Variants in CTNNA2 observed in about 807,000 individuals in gnomAD.
CTNNA2 encodes catenin alpha-2.
CTNNA2 carries 42 observed loss-of-function variants against 101.0 expected under a neutral mutation model. The observed-to-expected ratio is 0.42, with a 90% CI of 0.32 to 0.54. The LOEUF is 0.54. CTNNA2 is among the 20% of genes least tolerant of loss of function. The probability of loss-of-function intolerance (pLI) is 0.14; values close to 1 mark genes in which losing one functional copy is unlikely to be tolerated. For missense variants in CTNNA2, 871 were observed against 1,223.1 expected, an observed-to-expected ratio of 0.71 and a Z score of 4.29; for synonymous variants, 450 against 456.4, an observed-to-expected ratio of 0.99 and a Z score of 0.18.
chr2:79,675,746 C>T (rs761598917), intron 2 of CTNNA2, among the ~76,000 whole-genome samples: 4 of 152,136 alleles, frequency 2.6e-5, no homozygotes, highest in Non-Finnish European at 5.9e-5. Context: ...TAGAACAGTG[C>T]TCGGCATGTA....
At chr2:79,244,497 T>C (rs1674673543) in intron 2 of CTNNA2, among the ~76,000 whole-genome samples, 1 of 152,184 alleles carries the variant, frequency 6.6e-6, no homozygotes, top group Non-Finnish European at 1.5e-5. Flanking sequence ...ACTAAGTTTG[T>C]GTAAATTCAT....
At position 80,639,513 on chromosome 2, in the gene CTNNA2, A is replaced by ATGTG. The variant is rs112045877; in HGVS notation, c.2575-8048_2575-8045dup. On this transcript the variant is annotated intron_variant, in intron 18 of 18. Transcript: ENST00000402739. ...GCATGAACCACCATGCCCAGCCTTG[A>ATGTG]TGTGTGTGTGTGTGTGTGTGTGTGT... Among the ~76,000 whole-genome samples the ATGTG allele has an allele frequency of 8.9e-3, 1,317 of 147,498 alleles. 15 individuals are homozygous for ATGTG. The highest frequency in any genetic ancestry group is 0.026 in the South Asian group (120 of 4,640).
chr2:79,325,467 C>T (rs931141525), intron 3 of CTNNA2, among the ~76,000 whole-genome samples: 5 of 152,142 alleles, frequency 3.3e-5, no homozygotes, highest in African/African-American at 4.8e-5. Flanking sequence ...AATAGCATTT[C>T]GGGACCCTAT....
intron 4 of CTNNA2, among the ~76,000 whole-genome samples, chr2:79,381,595 C>T (rs1678039776): frequency 2.0e-5 from 3 of 152,168 alleles, no homozygotes; most frequent in Non-Finnish European, 4.4e-5. Context: ...GATTTCTAAG[C>T]CAGACGGAAG....
intron 7 of CTNNA2, among the ~76,000 whole-genome samples, chr2:80,159,039 TTGAAGGACATG>T (rs1250258067): frequency 6.6e-6 from 1 of 152,210 alleles, no homozygotes; most frequent in Non-Finnish European, 1.5e-5. Context: ...CATTCACCCA[TTGAAGGACATG>T]TGGGTTGTTT....
intron 3 of CTNNA2, among the ~76,000 whole-genome samples, chr2:79,763,547 G>A (rs1003141247): frequency 6.6e-6 from 1 of 152,106 alleles, no homozygotes; most frequent in Middle Eastern, 3.2e-3. Flanking sequence ...AGAAGGTAGA[G>A]TATTATTATA....
At chr2:79,925,640 C>A in intron 7 of CTNNA2, among the ~76,000 whole-genome samples, 1 of 151,990 alleles carries the variant, frequency 6.6e-6, no homozygotes, top group African/African-American at 2.4e-5. Flanking sequence ...AGTTTTGATG[C>A]TGCATTTCAT....
chr2:79,736,757 G>A (rs1314447942), intron 2 of CTNNA2, among the ~76,000 whole-genome samples: 2 of 152,120 alleles, frequency 1.3e-5, no homozygotes, highest in Non-Finnish European at 2.9e-5. Context: ...CTACCTTAGA[G>A]CAACACAGTA....
At chr2:79,983,930 T>C (rs938786089) in intron 7 of CTNNA2, among the ~76,000 whole-genome samples, 1 of 152,174 alleles carries the variant, frequency 6.6e-6, no homozygotes, top group African/African-American at 2.4e-5. Flanking sequence ...CTGAAAACTT[T>C]GGAACATAGT....
At chr2:79,409,837 G>T (rs1487637317) in intron 4 of CTNNA2, among the ~76,000 whole-genome samples, 4 of 151,332 alleles carry the variant, frequency 2.6e-5, no homozygotes, top group South Asian at 2.1e-4. Context: ...ATTCTGTGAA[G>T]AAAGTCATTG....
chr2:80,470,659 G>T lies in CTNNA2; in HGVS notation c.1290+51058G>T, dbSNP rs565131945. ...TCATTGAATACCTACTGTGCGCTAG[G>T]CTGTGTGTATGGATACTGAGGAGAT... On this transcript the variant is annotated intron_variant, in intron 9 of 18. Coordinates refer to ENST00000402739, the MANE Select transcript of CTNNA2 (RefSeq NM_001282597.3). Among the ~76,000 whole-genome samples the T allele has an allele frequency of 1.4e-4, 21 of 152,240 alleles. No individual in the cohort carries two copies. The South Asian group carries it at 4.2e-3, about 30-fold the overall frequency.
At chr2:79,592,287 A>T (rs1558755968) in intron 1 of CTNNA2, among the ~76,000 whole-genome samples, 1 of 149,366 alleles carries the variant, frequency 6.7e-6, no homozygotes, top group Non-Finnish European at 1.5e-5. Flanking sequence ...CGCCCAGCTA[A>T]TTTTTTTTTT....
intron 7 of CTNNA2, among the ~76,000 whole-genome samples, chr2:80,355,791 T>G (rs1673732473): frequency 6.6e-6 from 1 of 152,166 alleles, no homozygotes; most frequent in Non-Finnish European, 1.5e-5. Flanking sequence ...TTTAAAAGTC[T>G]TGTTTTCCAT....
chr2:79,687,984 C>G (rs143459031), intron 2 of CTNNA2, among the ~76,000 whole-genome samples: 1,973 of 152,188 alleles, frequency 0.013, 21 homozygotes, highest in Non-Finnish European at 0.022. Context: ...AGCATCTTGT[C>G]TGTGTCAACT....
chr2:80,300,352 G>A (rs550712943), intron 7 of CTNNA2, among the ~76,000 whole-genome samples: 14 of 148,886 alleles, frequency 9.4e-5, no homozygotes, highest in African/African-American at 3.5e-4. Context: ...GTCTCCCAGG[G>A]CTTAACATCT....
chr2:80,601,867 A>G (rs1277821530), intron 15 of CTNNA2: 1 of 152,020 alleles, frequency 6.6e-6, no homozygotes, highest in Non-Finnish European at 1.5e-5. Context: ...CGTGTGTATT[A>G]ATGTATGTAG....
chr2:79,266,451 CCTTA>C (rs1222903247), intron 2 of CTNNA2, among the ~76,000 whole-genome samples: 1 of 152,140 alleles, frequency 6.6e-6, no homozygotes, highest in Non-Finnish European at 1.5e-5. Context: ...CATCTCAATT[CCTTA>C]CTTATCTACT....
intron 1 of CTNNA2, among the ~76,000 whole-genome samples, chr2:79,600,701 A>G (rs1190364998): frequency 1.3e-5 from 2 of 152,194 alleles, no homozygotes; most frequent in African/African-American, 4.8e-5. Flanking sequence ...ATGACAGAAT[A>G]CCATAGACTG....
intron 4 of CTNNA2, among the ~76,000 whole-genome samples, chr2:79,404,698 C>G (rs978311704): frequency 1.3e-5 from 2 of 152,004 alleles, no homozygotes; most frequent in African/African-American, 4.8e-5. Context: ...GAACACCTCA[C>G]TCTGGGAAGA....
Sources: allele counts gnomAD v4.1 joint callset (sites outside exome capture counted in the v4.1 genomes callset), GRCh38; gene constraint gnomAD v4.1.1; transcripts MANE v1.5; gene names NCBI Gene and HGNC (gene_info 2026-07-23, HGNC 2026-07-21).